Variants in CHD7 observed in about 807,000 individuals in gnomAD.
CHD7 encodes the protein ATP-dependent chromatin remodeler CHD7.
In CHD7, 24 loss-of-function variants were observed where a neutral mutation model predicts 307.3. The observed-to-expected ratio is 0.08, with a 90% CI of 0.06 to 0.11. The LOEUF (loss-of-function observed/expected upper bound fraction) is 0.11, where lower values mean the gene tolerates loss of function less well. CHD7 is among the 10% of genes least tolerant of loss of function. The pLI is 1.00. For synonymous variants in CHD7, 1,363 were observed against 1,349.9 expected, an observed-to-expected ratio of 1.01 and a Z score of -0.21; for missense variants, 3,106 against 3,727.1, an observed-to-expected ratio of 0.83 and a Z score of 4.34.
chr8:60,744,582 A>G (rs11993490), intron 2 of CHD7, among the ~76,000 whole-genome samples: 116,185 of 150,038 alleles, frequency 0.77, 45,259 homozygotes, highest in East Asian at 0.94. Flanking sequence ...GCCAGGCACA[A>G]TGGCTCATGC....
intron 1 of CHD7, among the ~76,000 whole-genome samples, chr8:60,722,847 T>G (rs539482443): frequency 6.6e-6 from 1 of 152,298 alleles, no homozygotes; most frequent in African/African-American, 2.4e-5. Flanking sequence ...AAGAGAGGAA[T>G]TTTTGCATAG....
intron 1 of CHD7, 145 bp from the exon 2 acceptor site, chr8:60,741,114 T>G (rs1808976925): frequency 3.1e-6 from 1 of 318,470 alleles, no homozygotes. Context: ...GAACTAAATT[T>G]ATAAAATACA....
Position 60,811,263 on chromosome 8 carries a change from A to G in CHD7, c.2498+2991A>G, listed in dbSNP as rs894837817. Among the ~76,000 whole-genome samples, 5 of 152,308 alleles carry G rather than the reference A, an allele frequency of 3.3e-5. No homozygotes were observed. The East Asian group carries it at 7.7e-4, about 24-fold the overall frequency. On this transcript the variant is annotated intron_variant, in intron 7 of 37. Coordinates refer to ENST00000423902, the MANE Select transcript of CHD7 (RefSeq NM_017780.4). ...TTTTTCAAGTTTGTGAAATATTAAT[A>G]TGTTACAAAAGTCAGAACTATACAC...
In CHD7 at chr8:60,741,235, C is replaced by T. The variant is rs1808983543; in HGVS notation, c.-174-24C>T. The T allele has an allele frequency of 8.3e-5, 47 of 569,692 alleles. 1 individual carries two copies. In the South Asian group the frequency reaches 1.2e-3, roughly 14 times the overall value. 35.3% of individuals were successfully genotyped at this position (569,692 alleles called of 1,614,324 possible). A position where few individuals can be genotyped will look rare whatever the true frequency, so the allele number is the denominator to read the frequency against. On this transcript the variant is annotated intron_variant, in intron 1 of 37. Coordinates refer to ENST00000423902, the MANE Select transcript of CHD7 (RefSeq NM_017780.4). ...AATTCTTTGTTTTCTTCCTTCTTCT[C>T]CCCCACCCCAAACTCCCTTCCAGGA...
chr8:60,694,328 T>A (rs1363886202), intron 1 of CHD7, among the ~76,000 whole-genome samples: 1 of 152,242 alleles, frequency 6.6e-6, no homozygotes, highest in Non-Finnish European at 1.5e-5. Flanking sequence ...GATGTGAGAT[T>A]ATGGCTTTGC....
At chr8:60,857,551 G>A (rs1416949391) in intron 34 of CHD7, among the ~76,000 whole-genome samples, 2 of 152,100 alleles carry the variant, frequency 1.3e-5, no homozygotes, top group African/African-American at 4.8e-5. Flanking sequence ...AATTACATGT[G>A]CTTTTTTAAA....
chr8:60,841,509 T>C, intron 19 of CHD7, 135 bp from the exon 20 acceptor site: 2 of 688,682 alleles, frequency 2.9e-6, no homozygotes, highest in Non-Finnish European at 5.2e-6. Flanking sequence ...TCTGTCATTC[T>C]AGTCCCATCT....
chr8:60,817,137 A>G (rs1254878408), intron 8 of CHD7, among the ~76,000 whole-genome samples: 1 of 152,182 alleles, frequency 6.6e-6, no homozygotes, highest in Non-Finnish European at 1.5e-5. Flanking sequence ...AAGTGCTTTC[A>G]CAAGCTGCTT....
At chr8:60,689,341 T>C (rs895444164) in intron 1 of CHD7, among the ~76,000 whole-genome samples, 4 of 152,232 alleles carry the variant, frequency 2.6e-5, no homozygotes, top group African/African-American at 9.6e-5. Flanking sequence ...AAAGTTTGTG[T>C]CAGTTAGCAT....
At position 60,742,293 on chromosome 8, in the gene CHD7, G is replaced by A. The variant is rs1007919674; in HGVS notation, c.861G>A (p.Pro287=). ...CTCCCCAACAAGGGGCTGTTAGGCC[G>A]CAAACCCTTAACTTTAGTTCTCGGA... ...PNPPQQGAVR[P]QTLNFSSRSQ... is the part of the protein sequence containing the mutation. The change falls in exon 2 of 38, where the codon CCG becomes CCA. Residue 287 remains proline, a synonymous_variant. Transcript: ENST00000423902. 1.1e-5 allele frequency: 18 copies of A among 1,613,718 alleles called. No homozygotes were observed. The highest frequency in any genetic ancestry group is 6.7e-5 in the Admixed American group (4 of 60,002).
rs1468940013 is a variant in CHD7 at position 60,781,049 on chromosome 8, A to G, written c.1715A>G (p.Gln572Arg). ...GAGAAACCAGTGCCGGATATGACTC[A>G]GGTTAGTGGACCGAATGCTCAGCTA... ...FLEKPVPDMT[Q>R]VSGPNAQLVK... Residue 572 changes from glutamine to arginine, a missense_variant, in exon 3 of 38, where the codon CAG becomes CGG. By Grantham distance (43) the Gln-to-Arg change is conservative. Transcript: ENST00000423902. 1 of 1,604,406 alleles carries G rather than the reference A, an allele frequency of 6.2e-7. No homozygotes were observed. Among genetic ancestry groups the G allele is most frequent in the African/African-American group, 1.3e-5 (1 of 74,236 alleles).
chr8:60,769,158 G>C (rs1001023442), intron 2 of CHD7, among the ~76,000 whole-genome samples: 3 of 152,180 alleles, frequency 2.0e-5, no homozygotes, highest in Admixed American at 6.5e-5. Context: ...ATAAACTCAT[G>C]TTTAAGAACT....
At chr8:60,692,372 A>G (rs1035068548) in intron 1 of CHD7, among the ~76,000 whole-genome samples, 2 of 152,230 alleles carry the variant, frequency 1.3e-5, no homozygotes, top group Non-Finnish European at 2.9e-5. Context: ...CATTTCTACC[A>G]CTGAGTAATT....
chr8:60,679,917 T>C (rs1445907711), intron 1 of CHD7: 1 of 150,712 alleles, frequency 6.6e-6, no homozygotes, highest in Non-Finnish European at 1.5e-5. Context: ...GAGCCCGGAG[T>C]TGGGGGCTCC....
chr8:60,830,244 C>G, intron 14 of CHD7, 78 bp from the exon 15 acceptor site: 6 of 1,398,024 alleles, frequency 4.3e-6, no homozygotes, highest in Non-Finnish European at 5.9e-6. Context: ...ATGAGATAAT[C>G]CTGATGTTTC....
intron 1 of CHD7, among the ~76,000 whole-genome samples, chr8:60,713,776 T>C (rs922249823): frequency 6.6e-6 from 1 of 152,132 alleles, no homozygotes; most frequent in Non-Finnish European, 1.5e-5. Context: ...CGCATCCCAC[T>C]GGGATCTAAG....
chr8:60,830,678 T>A lies in CHD7; in HGVS notation c.3778+101T>A. The A allele has an allele frequency of 2.3e-6, 3 of 1,318,674 alleles. 1 individual carries two copies. Among genetic ancestry groups the A allele is most frequent in the Non-Finnish European group, 3.1e-6 (3 of 956,766 alleles). The allele number at this position is 1,318,674 out of a possible 1,614,324, so 81.7% of individuals were successfully genotyped here. A position where few individuals can be genotyped will look rare whatever the true frequency, so the allele number is the denominator to read the frequency against. The stretch of plus-strand genomic sequence containing the variant: ...GGATTTCATGGTGTATAGTCATTCC[T>A]GTCTCCTGTCCACTCAGCATGGGTT... On this transcript the variant is annotated intron_variant, in intron 15 of 37. Coordinates refer to ENST00000423902, the MANE Select transcript of CHD7 (RefSeq NM_017780.4).
rs148712090 is a variant in CHD7, at chr8:60,762,273, C to T, written c.1666-18727C>T. The stretch of plus-strand genomic sequence containing the variant: ...ACCCCTGAGCTTCTGGCACATAACA[C>T]TCACCCCTAGTTTAGAAATCCTTAT... On this transcript the variant is annotated intron_variant, in intron 2 of 37. Transcript: ENST00000423902. 7.2e-5 allele frequency among the ~76,000 whole-genome samples: 11 copies of T among 152,352 alleles called. No individual in the cohort carries two copies. In the East Asian group the frequency reaches 2.1e-3, roughly 29 times the overall value.
intron 31 of CHD7, among the ~76,000 whole-genome samples, chr8:60,854,092 C>T (rs1157829038): frequency 6.6e-6 from 1 of 152,292 alleles, no homozygotes; most frequent in African/African-American, 2.4e-5. Flanking sequence ...TGGCTATCAG[C>T]CTCTTGTAAG....
Sources: allele counts gnomAD v4.1 joint callset (sites outside exome capture counted in the v4.1 genomes callset), GRCh38; gene constraint gnomAD v4.1.1; transcripts MANE v1.5; gene names NCBI Gene and HGNC (gene_info 2026-07-23, HGNC 2026-07-21).